RALGPS2: variants seen among roughly 807,000 people sequenced by gnomAD.
The protein encoded by RALGPS2 is Ral GEF with PH domain and SH3 binding motif 2, also known as ras-specific guanine nucleotide-releasing factor RalGPS2.
A neutral mutation model predicts 86.8 loss-of-function variants in RALGPS2; 43 were observed. That is an observed-to-expected ratio of 0.50 (90% CI 0.39 to 0.64). RALGPS2 has a LOEUF of 0.64. RALGPS2 is among the 30% of genes least tolerant of loss of function. RALGPS2 has a pLI of 0.00. For missense variants in RALGPS2, 536 were observed against 694.6 expected (o/e 0.77, Z 2.57); for synonymous variants, 243 against 231.3 (o/e 1.05, Z -0.46).
chr1:178,870,640 G>A (rs1220265964), intron 8 of RALGPS2: 2 of 151,998 alleles, frequency 1.3e-5, no homozygotes, highest in African/African-American at 4.8e-5. Context: ...ATATTCCAAA[G>A]GTCTTTGTTT....
At chr1:178,765,618 G>T (rs751044854) in intron 1 of RALGPS2, among the ~76,000 whole-genome samples, 2 of 152,064 alleles carry the variant, frequency 1.3e-5, no homozygotes, top group Non-Finnish European at 1.5e-5. Flanking sequence ...GCAGATAACC[G>T]GTCTGACCAA....
chr1:178,840,147 A>G (rs1656517409), intron 8 of RALGPS2, among the ~76,000 whole-genome samples: 1 of 152,232 alleles, frequency 6.6e-6, no homozygotes, highest in African/African-American at 2.4e-5. Context: ...TGCACCAAGC[A>G]GACCTAATAG....
intron 8 of RALGPS2, among the ~76,000 whole-genome samples, chr1:178,838,735 G>A (rs940169016): frequency 1.3e-5 from 2 of 152,160 alleles, no homozygotes; most frequent in South Asian, 2.1e-4. Context: ...GAGGAAGTTC[G>A]AATCCGTCGC....
intron 4 of RALGPS2, among the ~76,000 whole-genome samples, chr1:178,802,048 T>C (rs1483260179): frequency 1.3e-5 from 2 of 152,128 alleles, no homozygotes; most frequent in Non-Finnish European, 2.9e-5. Flanking sequence ...CACTTTACCC[T>C]TGAATGTCTC....
At chr1:178,877,205 T>G (rs370582268) in intron 8 of RALGPS2, among the ~76,000 whole-genome samples, 6 of 152,118 alleles carry the variant, frequency 3.9e-5, no homozygotes, top group Middle Eastern at 3.2e-3. Context: ...AATTCCCATA[T>G]GTGCTGGAGT....
chr1:178,740,319 C>T (rs765048475), intron 1 of RALGPS2, among the ~76,000 whole-genome samples: 1 of 152,194 alleles, frequency 6.6e-6, no homozygotes, highest in Non-Finnish European at 1.5e-5. Context: ...TGCAGAAGAA[C>T]AGACCTCAAT....
intron 1 of RALGPS2, chr1:178,746,809 C>T (rs1378292378): frequency 6.7e-6 from 7 of 1,049,220 alleles, no homozygotes; most frequent in Admixed American, 1.7e-5. Context: ...GTAGAACACT[C>T]TCATTGTTCT....
chr1:178,893,864 C>T (rs1054991438), intron 15 of RALGPS2, 55 bp from the exon 16 acceptor site: 3 of 1,153,582 alleles, frequency 2.6e-6, no homozygotes, highest in South Asian at 2.8e-5. Context: ...TAAGTACCTA[C>T]TTGATGACTA....
intron 1 of RALGPS2, chr1:178,747,684 A>C: frequency 1.3e-6 from 2 of 1,484,102 alleles, no homozygotes; most frequent in Non-Finnish European, 9.4e-7. Flanking sequence ...AACTGTGATC[A>C]TCAAGTACAG....
chr1:178,742,132 CAA>C (rs34861793), intron 1 of RALGPS2, among the ~76,000 whole-genome samples: 827 of 82,654 alleles, frequency 0.01, 14 homozygotes, highest in African/African-American at 0.034. Context: ...AAGATTCCGT[CAA>C]AAAAAAAAAA....
chr1:178,764,827 G>C (rs756450458), intron 1 of RALGPS2, among the ~76,000 whole-genome samples: 3 of 152,170 alleles, frequency 2.0e-5, no homozygotes. Flanking sequence ...ATTTCATGTT[G>C]AATTGTAATC....
At chr1:178,892,905 A>G (rs1659779050) in intron 15 of RALGPS2, among the ~76,000 whole-genome samples, 1 of 152,072 alleles carries the variant, frequency 6.6e-6, no homozygotes, top group Non-Finnish European at 1.5e-5. Flanking sequence ...TCATAATACA[A>G]CAAAATACCA....
intron 1 of RALGPS2, among the ~76,000 whole-genome samples, chr1:178,770,039 C>G: frequency 7.6e-6 from 1 of 131,708 alleles, no homozygotes; most frequent in East Asian, 2.6e-4. Flanking sequence ...TTTTTTGAGA[C>G]AAGGTCTCAC....
intron 8 of RALGPS2, among the ~76,000 whole-genome samples, chr1:178,852,407 A>G (rs1462703361): frequency 6.6e-6 from 1 of 152,130 alleles, no homozygotes; most frequent in Admixed American, 6.5e-5. Flanking sequence ...TTTGTTATGA[A>G]TTGTAGGCAC....
At chr1:178,877,399 A>G (rs769849695) in intron 8 of RALGPS2, 99 bp from the exon 9 acceptor site, 5 of 1,503,070 alleles carry the variant, frequency 3.3e-6, no homozygotes, top group Non-Finnish European at 4.5e-6. Flanking sequence ...TGTAGCGTAC[A>G]GTGGAATATA....
At chr1:178,840,087 A>C (rs2102265562) in intron 8 of RALGPS2, among the ~76,000 whole-genome samples, 1 of 152,192 alleles carries the variant, frequency 6.6e-6, no homozygotes, top group East Asian at 1.9e-4. Context: ...CATTAGACAG[A>C]TCAACAAGAC....
chr1:178,895,199 A>AT (rs1167782643), intron 16 of RALGPS2, among the ~76,000 whole-genome samples: 13 of 152,056 alleles, frequency 8.5e-5, no homozygotes, highest in Non-Finnish European at 1.5e-4. Flanking sequence ...TTTGAAATAT[A>AT]AAACCTTTGA....
intron 4 of RALGPS2, among the ~76,000 whole-genome samples, chr1:178,790,440 T>G (rs894515697): frequency 2.6e-5 from 4 of 152,232 alleles, no homozygotes; most frequent in African/African-American, 9.6e-5. Flanking sequence ...GAGAAAGGCT[T>G]TCTGCATTCT....
chr1:178,818,624 A>G (rs994320683), intron 6 of RALGPS2, among the ~76,000 whole-genome samples: 13 of 152,190 alleles, frequency 8.5e-5, no homozygotes, highest in Non-Finnish European at 1.9e-4. Context: ...GGAGTGAATC[A>G]GTGGACACAG....
Sources: allele counts gnomAD v4.1 joint callset (sites outside exome capture counted in the v4.1 genomes callset), GRCh38; gene constraint gnomAD v4.1.1; transcripts MANE v1.5; gene names NCBI Gene and HGNC (gene_info 2026-07-23, HGNC 2026-07-21).